XDH: variants seen among roughly 807,000 people sequenced by gnomAD.
XDH encodes xanthine dehydrogenase.
A neutral mutation model predicts 156.1 loss-of-function variants in XDH; 138 were observed. The observed-to-expected ratio is 0.88, with a 90% confidence interval of 0.77 to 1.02. The LOEUF (loss-of-function observed/expected upper bound fraction) is 1.02. Among genes scored for constraint, XDH ranks in the 50% least tolerant of loss-of-function variants. XDH has a pLI of 0.00. For missense variants in XDH, 1,849 were observed against 1,684.9 expected, an observed-to-expected ratio of 1.10 and a Z score of -1.71; for synonymous variants, 669 against 625.7, an observed-to-expected ratio of 1.07 and a Z score of -1.03.
intron 24 of XDH, among the ~76,000 whole-genome samples, chr2:31,351,192 C>T (rs1412039665): frequency 6.6e-6 from 1 of 152,222 alleles, no homozygotes; most frequent in Non-Finnish European, 1.5e-5. Flanking sequence ...AATATTATAA[C>T]TCTGTAAACA....
chr2:31,359,446 C>T (rs77097273), intron 24 of XDH, among the ~76,000 whole-genome samples: 7,426 of 151,444 alleles, frequency 0.049, 242 homozygotes, highest in African/African-American at 0.1. Context: ...TCACAAGCGC[C>T]AGTGATGCAG....
At chr2:31,340,736 C>A (rs45487600) in intron 33 of XDH, among the ~76,000 whole-genome samples, 26 of 152,338 alleles carry the variant, frequency 1.7e-4, no homozygotes, top group African/African-American at 5.8e-4. Flanking sequence ...TCCCAGAGTG[C>A]TGGGATTACA....
intron 13 of XDH, among the ~76,000 whole-genome samples, chr2:31,378,318 A>G (rs1180083432): frequency 1.3e-5 from 2 of 152,018 alleles, no homozygotes; most frequent in Admixed American, 1.3e-4. Flanking sequence ...ATAGGAGGAG[A>G]GCATGAGCTA....
Position 31,347,582 on chromosome 2 carries a change from C to A in XDH, c.3216G>T (p.Val1072=), listed in dbSNP as rs543177007. Residue 1072 remains valine (V), a synonymous_variant, in exon 29 of 36, where the codon GTG becomes GTT. Transcript: ENST00000379416. ...AGGCAGCCGTGGGAGAGGTGTTGGG[C>A]ACAGTGTTAGTGCTTGTCTCGCTGA... The part of the protein sequence containing the change: ...IYISETSTNT[V]PNTSPTAASV... The A allele has an allele frequency of 2.5e-6, 4 of 1,614,156 alleles. No individual in the cohort carries two copies. The highest frequency in any genetic ancestry group is 2.2e-5 in the East Asian group (1 of 44,858).
At chr2:31,367,630 G>A (rs182221110) in intron 20 of XDH, among the ~76,000 whole-genome samples, 2 of 152,200 alleles carry the variant, frequency 1.3e-5, no homozygotes, top group Admixed American at 6.5e-5. Context: ...GTAGGGGGAG[G>A]ATGAGAATTT....
In XDH at chr2:31,401,277, A is replaced by C; in HGVS notation, c.249T>G (p.Val83=). The C allele has an allele frequency of 9.3e-6, 15 of 1,614,208 alleles. No individual in the cohort carries two copies. The highest frequency in any genetic ancestry group is 1.3e-5 in the Non-Finnish European group (15 of 1,180,024). ...CTATTCCTTCCACAGTTGTCACTGC[A>C]ACATGGTGCAAGGAGCAGATGGGGG... ...CLAPICSLHH[V]AVTTVEGIGS... is the part of the protein sequence containing the mutation. Residue 83 remains valine, a synonymous_variant, in exon 4 of 36, where the codon GTT becomes GTG. Coordinates refer to ENST00000379416, the MANE Select transcript of XDH (RefSeq NM_000379.4).
intron 1 of XDH, among the ~76,000 whole-genome samples, chr2:31,407,466 G>A (rs1183600924): frequency 6.6e-6 from 1 of 152,168 alleles, no homozygotes; most frequent in African/African-American, 2.4e-5. Context: ...AATAAAGAGA[G>A]ACTGTGTGGA....
At chr2:31,356,054 G>A (rs1193783018) in intron 24 of XDH, among the ~76,000 whole-genome samples, 3 of 152,142 alleles carry the variant, frequency 2.0e-5, no homozygotes, top group African/African-American at 7.2e-5. Flanking sequence ...TGATAAAAGT[G>A]TCAATCCTCC....
chr2:31,374,406 A>G (rs981513889), intron 15 of XDH, among the ~76,000 whole-genome samples: 1 of 152,228 alleles, frequency 6.6e-6, no homozygotes, highest in African/African-American at 2.4e-5. Flanking sequence ...TATTTAGAAA[A>G]TAATATATCC....
intron 22 of XDH, 149 bp downstream of exon 22, chr2:31,365,827 G>T: frequency 1.5e-6 from 2 of 1,354,560 alleles, no homozygotes; most frequent in Non-Finnish European, 2.0e-6. Context: ...CTCCCACTAT[G>T]CCCAAGGGTT....
At chr2:31,338,259 G>A (rs45613734) in intron 34 of XDH, among the ~76,000 whole-genome samples, 1 of 152,174 alleles carries the variant, frequency 6.6e-6, no homozygotes, top group Non-Finnish European at 1.5e-5. Context: ...GGAATTATAG[G>A]CATAAGAACA....
chr2:31,404,291 T>A (rs1414432464), intron 2 of XDH, among the ~76,000 whole-genome samples: 1 of 152,140 alleles, frequency 6.6e-6, no homozygotes, highest in Non-Finnish European at 1.5e-5. Context: ...GTCAAACAAC[T>A]TTGGGGGCAC....
intron 24 of XDH, among the ~76,000 whole-genome samples, chr2:31,355,281 G>A (rs1402345936): frequency 6.6e-6 from 1 of 151,994 alleles, no homozygotes; most frequent in Admixed American, 6.6e-5. Flanking sequence ...AATGACTAAA[G>A]GAAGTTCTAA....
At chr2:31,367,072 C>A in intron 20 of XDH, 78 bp from the exon 21 acceptor site, 2 of 1,610,916 alleles carry the variant, frequency 1.2e-6, no homozygotes, top group Non-Finnish European at 1.7e-6. Context: ...AGAGTATACT[C>A]TGCCAAGTGG....
At chr2:31,401,796 C>T (rs1215523255) in intron 3 of XDH, among the ~76,000 whole-genome samples, 1 of 152,220 alleles carries the variant, frequency 6.6e-6, no homozygotes, top group Non-Finnish European at 1.5e-5. Context: ...GGGGAGGAAA[C>T]CCCCAGGCAA....
At chr2:31,368,289 A>G (rs1685976680) in intron 19 of XDH, among the ~76,000 whole-genome samples, 1 of 152,228 alleles carries the variant, frequency 6.6e-6, no homozygotes, top group South Asian at 2.1e-4. Context: ...AAAGCAAAGA[A>G]TACCACAAGG....
At chr2:31,382,780 T>A (rs943219088) in intron 11 of XDH, among the ~76,000 whole-genome samples, 1 of 152,116 alleles carries the variant, frequency 6.6e-6, no homozygotes, top group African/African-American at 2.4e-5. Flanking sequence ...ACCACCTTCA[T>A]CAGAAGCACC....
In XDH at chr2:31,383,745, C is replaced by G. The variant is rs756727079; in HGVS notation, c.886+10G>C. 37 of 1,612,888 alleles carry G rather than the reference C, an allele frequency of 2.3e-5. No individual in the cohort carries two copies. The Admixed American group carries it at 6.2e-4, about 27-fold the overall frequency. On this transcript the variant is annotated intron_variant, in intron 10 of 35. Coordinates refer to ENST00000379416, the MANE Select transcript of XDH (RefSeq NM_000379.4). ...GCCCCTCCATAAGCTTGGAGTGAACCTCCTCTTACCGTCGGGTCCATGTTC... is the reference window on the plus strand; with the variant it reads ...GCCCCTCCATAAGCTTGGAGTGAACGTCCTCTTACCGTCGGGTCCATGTTC...
At chr2:31,376,799 C>T (rs1181206634) in intron 14 of XDH, among the ~76,000 whole-genome samples, 1 of 113,088 alleles carries the variant, frequency 8.8e-6, no homozygotes, top group African/African-American at 3.9e-5. Flanking sequence ...ATAGTAGTAG[C>T]AGCAATGGTA....
Sources: allele counts gnomAD v4.1 joint callset (sites outside exome capture counted in the v4.1 genomes callset), GRCh38; gene constraint gnomAD v4.1.1; transcripts MANE v1.5; gene names NCBI Gene and HGNC (gene_info 2026-07-23, HGNC 2026-07-21).